The following SLC16A12 variants were observed in gnomAD, a reference collection of about 807,000 sequenced individuals.
The protein encoded by SLC16A12 is monocarboxylate transporter 12.
SLC16A12 carries 17 observed loss-of-function variants against 42.4 expected under a neutral mutation model. The ratio of observed to expected loss-of-function variants is 0.40; its 90% CI spans 0.27 to 0.60. The LOEUF is 0.60. Ranked by LOEUF, SLC16A12 falls within the 20% of genes least tolerant of loss-of-function variation. The pLI is 0.42. For missense variants in SLC16A12, 544 were observed against 623.0 expected (o/e 0.87, Z 1.35); for synonymous variants, 224 against 229.4 (o/e 0.98, Z 0.21).
chr10:89,438,014 C>A lies in SLC16A12; in HGVS notation c.1028+590G>T, dbSNP rs777548490. ...CTGAATTCTGCTCCTTTTTCCATTG[C>A]CAGTCAGGACTGGTTCAAAAGAAAC... is the stretch of plus-strand genomic sequence containing the variant. On this transcript the variant is annotated intron_variant, in intron 6 of 7. Transcript: ENST00000371790. Among the ~76,000 whole-genome samples the A allele has an allele frequency of 5.9e-5, 9 of 152,306 alleles. 1 individual carries two copies. The South Asian group carries it at 1.9e-3, about 32-fold the overall frequency.
intron 2 of SLC16A12, among the ~76,000 whole-genome samples, chr10:89,486,338 C>T (rs558110014): frequency 4.6e-4 from 70 of 151,930 alleles, no homozygotes; most frequent in Non-Finnish European, 8.1e-4. Flanking sequence ...AGTCAGGAGA[C>T]TTAGAATTCA....
chr10:89,491,443 G>A (rs142885872), intron 2 of SLC16A12, among the ~76,000 whole-genome samples: 12 of 150,432 alleles, frequency 8.0e-5, no homozygotes, highest in African/African-American at 2.9e-4. Context: ...TAACAAGTGC[G>A]CATACCAAGT....
chr10:89,514,530 G>T (rs1004285051), intron 2 of SLC16A12, among the ~76,000 whole-genome samples: 1 of 152,180 alleles, frequency 6.6e-6, no homozygotes, highest in Non-Finnish European at 1.5e-5. Flanking sequence ...CTGTGTGCTT[G>T]CTTACATGGC....
chr10:89,553,452 C>A (rs1348905417), intron 2 of SLC16A12, among the ~76,000 whole-genome samples: 1 of 152,230 alleles, frequency 6.6e-6, no homozygotes, highest in Non-Finnish European at 1.5e-5. Context: ...TAGCATGACT[C>A]ATTTCAATAC....
At chr10:89,529,237 A>G (rs1461661661) in intron 2 of SLC16A12, among the ~76,000 whole-genome samples, 2 of 152,306 alleles carry the variant, frequency 1.3e-5, no homozygotes, top group Middle Eastern at 3.4e-3. Flanking sequence ...GTAGATAAAT[A>G]TGAACTCACT....
chr10:89,500,520 G>T (rs303189), intron 2 of SLC16A12, among the ~76,000 whole-genome samples: 2 of 151,800 alleles, frequency 1.3e-5, no homozygotes, highest in Admixed American at 1.3e-4. Flanking sequence ...GTGATACACC[G>T]CATAAACAGA....
At chr10:89,494,727 A>C (rs1842897967) in intron 2 of SLC16A12, among the ~76,000 whole-genome samples, 1 of 152,222 alleles carries the variant, frequency 6.6e-6, no homozygotes, top group Non-Finnish European at 1.5e-5. Context: ...GACGGTAAGA[A>C]GGAAGCCAAA....
intron 2 of SLC16A12, among the ~76,000 whole-genome samples, chr10:89,504,830 C>G (rs1843035596): frequency 6.6e-6 from 1 of 152,180 alleles, no homozygotes; most frequent in Admixed American, 6.5e-5. Flanking sequence ...AATCCACTGC[C>G]AACAAGCCCT....
At chr10:89,519,594 G>A (rs1843315913) in intron 2 of SLC16A12, among the ~76,000 whole-genome samples, 1 of 152,076 alleles carries the variant, frequency 6.6e-6, no homozygotes, top group Non-Finnish European at 1.5e-5. Context: ...ACACCAGGGC[G>A]AGGATGAATT....
intron 2 of SLC16A12, among the ~76,000 whole-genome samples, chr10:89,471,882 A>G (rs906225702): frequency 1.3e-5 from 2 of 152,238 alleles, no homozygotes; most frequent in Non-Finnish European, 2.9e-5. Context: ...GACTAATTAT[A>G]TTAACCAATT....
At chr10:89,547,379 A>G (rs1474201401) in intron 2 of SLC16A12, among the ~76,000 whole-genome samples, 1 of 152,230 alleles carries the variant, frequency 6.6e-6, no homozygotes, top group Non-Finnish European at 1.5e-5. Flanking sequence ...ATGAATGACT[A>G]AATTGCAAAC....
intron 2 of SLC16A12, among the ~76,000 whole-genome samples, chr10:89,513,962 C>T (rs1309366713): frequency 6.6e-6 from 1 of 152,158 alleles, no homozygotes; most frequent in Admixed American, 6.5e-5. Context: ...GTTAGATGAA[C>T]TGGTCAAGAG....
chr10:89,545,846 A>G (rs1218620224), intron 2 of SLC16A12, among the ~76,000 whole-genome samples: 1 of 152,220 alleles, frequency 6.6e-6, no homozygotes, highest in Non-Finnish European at 1.5e-5. Flanking sequence ...TACTGGTACC[A>G]AAACAGACAT....
At chr10:89,445,876 G>A (rs1489859810) in intron 3 of SLC16A12, among the ~76,000 whole-genome samples, 3 of 152,084 alleles carry the variant, frequency 2.0e-5, no homozygotes, top group Admixed American at 2.0e-4. Context: ...TTAGAGGAAT[G>A]GCTAATTAGA....
chr10:89,516,381 T>TG (rs1843251054), intron 2 of SLC16A12, among the ~76,000 whole-genome samples: 1 of 152,226 alleles, frequency 6.6e-6, no homozygotes, highest in South Asian at 2.1e-4. Flanking sequence ...AACCTCTGGT[T>TG]TAAATGCTGT....
chr10:89,476,240 CAG>C (rs976125403), intron 2 of SLC16A12, among the ~76,000 whole-genome samples: 50 of 152,152 alleles, frequency 3.3e-4, no homozygotes, highest in African/African-American at 1.1e-3. Context: ...ATGCATTTCA[CAG>C]AGTCTTTTTG....
intron 2 of SLC16A12, among the ~76,000 whole-genome samples, chr10:89,473,654 C>G (rs1842535686): frequency 6.6e-6 from 1 of 152,016 alleles, no homozygotes; most frequent in African/African-American, 2.4e-5. Context: ...AAGTTTCAAC[C>G]CTACCGCAAC....
chr10:89,462,249 G>A (rs774347104), intron 3 of SLC16A12, 130 bp downstream of exon 3: 98 of 1,298,730 alleles, frequency 7.5e-5, no homozygotes, highest in Middle Eastern at 1.9e-4. Flanking sequence ...AAGAGTCAAC[G>A]GAAATACACA....
At chr10:89,529,165 T>G (rs1181206813) in intron 2 of SLC16A12, among the ~76,000 whole-genome samples, 1 of 152,230 alleles carries the variant, frequency 6.6e-6, no homozygotes, top group Non-Finnish European at 1.5e-5. Context: ...TGAATGTGGT[T>G]GCTTTGAAGT....
Sources: gnomAD v4.1 joint callset for allele counts (sites outside exome capture counted in the v4.1 genomes callset) on GRCh38, gnomAD v4.1.1 for gene constraint, MANE v1.5 for transcripts, NCBI Gene and HGNC (gene_info 2026-07-23, HGNC 2026-07-21) for gene names.